Variants in SNAP23 observed in about 807,000 individuals in gnomAD.
The protein encoded by SNAP23 is synaptosomal-associated protein 23.
A neutral mutation model predicts 29.0 loss-of-function variants in SNAP23; 11 were observed. The ratio of observed to expected loss-of-function variants is 0.38; its 90% CI spans 0.24 to 0.63. The LOEUF is 0.63. Ranked by LOEUF, SNAP23 falls within the 20% of genes least tolerant of loss-of-function variation. The pLI is 0.58. For missense variants in SNAP23, 220 were observed against 253.9 expected, an observed-to-expected ratio of 0.87 and a Z score of 0.91; for synonymous variants, 60 against 82.9, an observed-to-expected ratio of 0.72 and a Z score of 1.50.
chr15:42,504,487 T>A lies in SNAP23; in HGVS notation c.-14-7346T>A, dbSNP rs1339809110. Among the ~76,000 whole-genome samples, 6 of 152,372 alleles carry A rather than the reference T, an allele frequency of 3.9e-5. No homozygotes were observed. In the East Asian group the frequency reaches 1.2e-3, roughly 29 times the overall value. Reference sequence around the variant, plus strand: ...ACTATTAATATTTAGTAGCTATTACTTTCAGCTACATTTACATAAATGTGA... The same window carrying A: ...ACTATTAATATTTAGTAGCTATTACATTCAGCTACATTTACATAAATGTGA... On this transcript the variant is annotated intron_variant, in intron 1 of 7. Transcript: ENST00000249647.
chr15:42,491,901 T>TTAG (rs2057168801), upstream of SNAP23, among the ~76,000 whole-genome samples: 297 of 146,978 alleles, frequency 2.0e-3, no homozygotes, highest in African/African-American at 7.2e-3. Context: ...TATTTATTTA[T>TTAG]TTAGTTAGTT....
At chr15:42,528,874 C>T (rs996320761) in intron 6 of SNAP23, among the ~76,000 whole-genome samples, 5 of 152,198 alleles carry the variant, frequency 3.3e-5, no homozygotes, top group African/African-American at 1.2e-4. Flanking sequence ...GCATAAGCTA[C>T]CACACCTGGC....
chr15:42,492,200 C>T (rs1018557624), upstream of SNAP23, among the ~76,000 whole-genome samples: 3 of 152,048 alleles, frequency 2.0e-5, no homozygotes, highest in Non-Finnish European at 4.4e-5. Flanking sequence ...TGTGAGCCAC[C>T]GCGCCCGGCC....
intron 6 of SNAP23, 35 bp downstream of exon 6, chr15:42,528,455 C>G (rs1225755558): frequency 1.9e-6 from 3 of 1,604,950 alleles, no homozygotes; most frequent in South Asian, 2.2e-5. Context: ...CTGTACCTTT[C>G]TTAATGAATG....
intron 5 of SNAP23, among the ~76,000 whole-genome samples, chr15:42,519,052 C>A (rs1397525145): frequency 1.5e-5 from 2 of 136,784 alleles, no homozygotes; most frequent in Non-Finnish European, 3.0e-5. Context: ...TTTGTTTCTT[C>A]TTCTTTTTTT....
chr15:42,531,419 A>G lies in SNAP23; in HGVS notation c.577A>G (p.Thr193Ala), dbSNP rs764395736. 15 of 1,574,572 alleles carry G rather than the reference A, an allele frequency of 9.5e-6. No individual in the cohort carries two copies. Among genetic ancestry groups the G allele is most frequent in the East Asian group, 4.7e-5 (2 of 42,966 alleles). ...TATCTTTCTTGTTTTTCAGGCTGAC[A>G]CCAACAGAGATCGTATTGATATTGC... ...QIKRITDKAD[T>A]NRDRIDIANA... The change falls in exon 8 of 8, where the codon ACC (threonine) becomes GCC (alanine). Residue 193 changes from threonine (T) to alanine (A), a missense_variant. Coordinates refer to ENST00000249647, the MANE Select transcript of SNAP23 (RefSeq NM_003825.4).
chr15:42,496,404 C>T (rs533466208), intron 1 of SNAP23, among the ~76,000 whole-genome samples: 1 of 151,942 alleles, frequency 6.6e-6, no homozygotes, highest in East Asian at 1.9e-4. Flanking sequence ...TGTATTAGTG[C>T]GTTCTCACAC....
intron 1 of SNAP23, among the ~76,000 whole-genome samples, chr15:42,497,324 T>C (rs946817854): frequency 6.6e-6 from 1 of 150,908 alleles, no homozygotes; most frequent in African/African-American, 2.4e-5. Context: ...TTCTTCTGCC[T>C]CAACGTCCCA....
At chr15:42,509,208 G>A (rs2057339382) in intron 1 of SNAP23, among the ~76,000 whole-genome samples, 1 of 152,050 alleles carries the variant, frequency 6.6e-6, no homozygotes. Flanking sequence ...CAGTAGCATG[G>A]ACATGTGTAT....
chr15:42,528,160 A>G, intron 5 of SNAP23, 102 bp from the exon 6 acceptor site: 1 of 923,364 alleles, frequency 1.1e-6, no homozygotes, highest in Middle Eastern at 3.0e-4. Flanking sequence ...CAGCTTTTCT[A>G]CTAGAGTTAT....
intron 5 of SNAP23, among the ~76,000 whole-genome samples, chr15:42,522,733 AAAAG>A (rs1455075329): frequency 6.6e-6 from 1 of 150,588 alleles, no homozygotes; most frequent in African/African-American, 2.4e-5. Context: ...AAAAAAAAAA[AAAAG>A]AAATTATCGT....
chr15:42,524,852 G>T (rs2057483785), intron 5 of SNAP23, among the ~76,000 whole-genome samples: 1 of 152,270 alleles, frequency 6.6e-6, no homozygotes, highest in African/African-American at 2.4e-5. Context: ...TTAAAAACAG[G>T]TTCCAACTTG....
chr15:42,503,550 A>G (rs1318267350), intron 1 of SNAP23, among the ~76,000 whole-genome samples: 1 of 151,992 alleles, frequency 6.6e-6, no homozygotes, highest in African/African-American at 2.4e-5. Flanking sequence ...TTGTATTTTT[A>G]GTAGAGACGG....
intron 5 of SNAP23, among the ~76,000 whole-genome samples, chr15:42,527,171 G>GAAAA (rs1356589730): frequency 1.3e-5 from 2 of 152,168 alleles, no homozygotes; most frequent in African/African-American, 4.8e-5. Flanking sequence ...ACTCTTAAAT[G>GAAAA]AAAAACTCCT....
At chr15:42,496,577 C>T (rs7172955) in intron 1 of SNAP23, among the ~76,000 whole-genome samples, 2 of 151,858 alleles carry the variant, frequency 1.3e-5, no homozygotes, top group African/African-American at 2.4e-5. Flanking sequence ...ATTAGCCAGG[C>T]GTGGTGGTAT....
intron 5 of SNAP23, 71 bp from the exon 6 acceptor site, chr15:42,528,191 C>T (rs559738559): frequency 7.6e-7 from 1 of 1,316,762 alleles, no homozygotes; most frequent in East Asian, 2.3e-5. Context: ...CTCAAGGTAA[C>T]AGGCACTAAT....
chr15:42,492,851 TC>T (rs2057185039), upstream of SNAP23: 1 of 152,194 alleles, frequency 6.6e-6, no homozygotes, highest in Admixed American at 6.5e-5. Context: ...CATTCTATTC[TC>T]CTTCAAAGGC....
chr15:42,509,829 G>C (rs1242514308), intron 1 of SNAP23, among the ~76,000 whole-genome samples: 1 of 152,178 alleles, frequency 6.6e-6, no homozygotes, highest in Admixed American at 6.5e-5. Context: ...GGCACTTTGG[G>C]AGGCTGAGGT....
rs575242782 is a variant in SNAP23 at position 42,519,970 on chromosome 15, A to G, written c.266+4616A>G. Among the ~76,000 whole-genome samples, 103 of 150,040 alleles carry G rather than the reference A, an allele frequency of 6.9e-4. 2 individuals are homozygous for G. The South Asian group carries it at 0.021, about 30-fold the overall frequency. On this transcript the variant is annotated intron_variant, in intron 5 of 7. Coordinates refer to ENST00000249647, the MANE Select transcript of SNAP23 (RefSeq NM_003825.4). The stretch of plus-strand genomic sequence containing the variant: ...CCTTAATATGAGATAGATGTTTTTT[A>G]TTATTATCATTTTACATCCAGGCTA...
Sources: gnomAD v4.1 joint callset for allele counts (sites outside exome capture counted in the v4.1 genomes callset) on GRCh38, gnomAD v4.1.1 for gene constraint, MANE v1.5 for transcripts, NCBI Gene and HGNC (gene_info 2026-07-23, HGNC 2026-07-21) for gene names.